The following NAALADL2 variants were observed in gnomAD, a reference collection of about 807,000 sequenced individuals.
The protein encoded by NAALADL2 is N-acetylated alpha-linked acidic dipeptidase like 2.
In NAALADL2, 76 loss-of-function variants were observed where a neutral mutation model predicts 87.2. The observed-to-expected ratio is 0.87, with a 90% CI of 0.72 to 1.05. NAALADL2 has a LOEUF of 1.05. Ranked by LOEUF, NAALADL2 falls within the 50% of genes least tolerant of loss-of-function variation. The pLI, the probability that NAALADL2 is intolerant of heterozygous loss-of-function variation, is 0.00. For synonymous variants in NAALADL2, 354 were observed against 331.0 expected (o/e 1.07, Z -0.75); for missense variants, 1,089 against 945.8 (o/e 1.15, Z -1.99).
chr3:174,564,938 ATTTAT>A (rs1714067185), intron 2 of NAALADL2, among the ~76,000 whole-genome samples: 1 of 151,686 alleles, frequency 6.6e-6, no homozygotes, highest in Admixed American at 6.6e-5. Flanking sequence ...TGTCATATTT[ATTTAT>A]TTTTACAGTT....
chr3:174,991,504 T>G (rs1407591090), intron 1 of NAALADL2, among the ~76,000 whole-genome samples: 4 of 152,118 alleles, frequency 2.6e-5, no homozygotes, highest in African/African-American at 9.6e-5. Flanking sequence ...ATTTAAATTT[T>G]ATATAACAAC....
At chr3:174,489,040 A>G (rs1346778578) in intron 1 of NAALADL2, among the ~76,000 whole-genome samples, 1 of 152,094 alleles carries the variant, frequency 6.6e-6, no homozygotes, top group African/African-American at 2.4e-5. Context: ...TTTCATTGCC[A>G]CATTGTATCT....
At chr3:175,056,270 T>A (rs1013481361) in intron 1 of NAALADL2, among the ~76,000 whole-genome samples, 3 of 152,190 alleles carry the variant, frequency 2.0e-5, no homozygotes, top group African/African-American at 7.2e-5. Flanking sequence ...CCTCTTCTGT[T>A]ACTTGGTTAT....
intron 1 of NAALADL2, chr3:174,441,068 A>C (rs545359089): frequency 5.3e-5 from 8 of 152,196 alleles, no homozygotes; most frequent in African/African-American, 1.9e-4. Context: ...AGTTTTGCCA[A>C]AACAAGCTCC....
chr3:175,190,792 C>A (rs961776898), intron 2 of NAALADL2, among the ~76,000 whole-genome samples: 5 of 151,598 alleles, frequency 3.3e-5, no homozygotes, highest in Non-Finnish European at 7.4e-5. Flanking sequence ...CTGGCTAACA[C>A]GGTGAAACCC....
chr3:175,068,268 A>T (rs1276545492), intron 1 of NAALADL2, among the ~76,000 whole-genome samples: 2 of 152,108 alleles, frequency 1.3e-5, no homozygotes, highest in African/African-American at 4.8e-5. Context: ...AAAACAATAG[A>T]ATAAAAAATT....
At chr3:175,248,556 T>C (rs1367931142) in intron 3 of NAALADL2, among the ~76,000 whole-genome samples, 1 of 152,056 alleles carries the variant, frequency 6.6e-6, no homozygotes, top group Non-Finnish European at 1.5e-5. Context: ...ATTAAGTGAT[T>C]TATGGTTCTT....
chr3:175,700,841 GA>G (rs35551912), intron 11 of NAALADL2, among the ~76,000 whole-genome samples: 2 of 151,834 alleles, frequency 1.3e-5, no homozygotes, highest in African/African-American at 4.8e-5. Flanking sequence ...ACTTATCATG[GA>G]AAAAAATCCC....
intron 10 of NAALADL2, among the ~76,000 whole-genome samples, chr3:175,601,306 A>C (rs764777008): frequency 1.9e-4 from 29 of 152,216 alleles, no homozygotes; most frequent in Non-Finnish European, 3.7e-4. Flanking sequence ...TGTATGTTAA[A>C]AAATTATATT....
chr3:174,942,097 G>T (rs1421826872), intron 1 of NAALADL2, among the ~76,000 whole-genome samples: 6 of 151,854 alleles, frequency 4.0e-5, no homozygotes, highest in Admixed American at 2.6e-4. Flanking sequence ...AGTGACAATG[G>T]TCTGTGTGTT....
chr3:175,483,752 T>C (rs575549777), intron 9 of NAALADL2, among the ~76,000 whole-genome samples: 9 of 152,202 alleles, frequency 5.9e-5, no homozygotes, highest in African/African-American at 2.2e-4. Context: ...CAGCATTGGG[T>C]ACTGAAAGCA....
At chr3:174,925,528 G>A (rs905789361) in intron 1 of NAALADL2, among the ~76,000 whole-genome samples, 3 of 151,996 alleles carry the variant, frequency 2.0e-5, no homozygotes, top group Non-Finnish European at 2.9e-5. Context: ...TTGTTCTTTC[G>A]GCTTAGAATT....
chr3:174,442,571 C>T (rs1559988278), intron 1 of NAALADL2, among the ~76,000 whole-genome samples: 1 of 152,082 alleles, frequency 6.6e-6, no homozygotes, highest in African/African-American at 2.4e-5. Flanking sequence ...TTACATAAAG[C>T]ATTATTATAT....
At chr3:174,490,648 C>T (rs1028469042) in intron 1 of NAALADL2, among the ~76,000 whole-genome samples, 6 of 151,754 alleles carry the variant, frequency 4.0e-5, no homozygotes, top group East Asian at 1.9e-4. Flanking sequence ...ACAAATGGAG[C>T]GTGTAGAGGA....
chr3:175,564,075 A>G (rs1404821478), intron 9 of NAALADL2, among the ~76,000 whole-genome samples: 1 of 152,064 alleles, frequency 6.6e-6, no homozygotes, highest in Non-Finnish European at 1.5e-5. Flanking sequence ...TGAAATGGTA[A>G]TGTGTGGTGA....
At chr3:175,338,863 C>T (rs56409748) in intron 5 of NAALADL2, among the ~76,000 whole-genome samples, 12 of 152,042 alleles carry the variant, frequency 7.9e-5, no homozygotes, top group Non-Finnish European at 1.6e-4. Context: ...AAGAAGGAGG[C>T]GAGTTCAAGA....
At chr3:175,800,865 A>T (rs1264395849) in intron 13 of NAALADL2, among the ~76,000 whole-genome samples, 1 of 152,148 alleles carries the variant, frequency 6.6e-6, no homozygotes, top group African/African-American at 2.4e-5. Flanking sequence ...GAAAATAGGG[A>T]TTAGGATATC....
At chr3:175,094,181 C>T (rs1436778646) in intron 1 of NAALADL2, among the ~76,000 whole-genome samples, 2 of 151,392 alleles carry the variant, frequency 1.3e-5, no homozygotes, top group Non-Finnish European at 2.9e-5. Flanking sequence ...AGAAAAAAAT[C>T]TAGAGAACTG....
intron 5 of NAALADL2, among the ~76,000 whole-genome samples, chr3:175,356,842 G>C (rs754393704): frequency 6.6e-6 from 1 of 152,014 alleles, no homozygotes; most frequent in Non-Finnish European, 1.5e-5. Flanking sequence ...TCTTGGCCAA[G>C]CATGTTTTTG....
Sources: allele counts gnomAD v4.1 joint callset (sites outside exome capture counted in the v4.1 genomes callset), GRCh38; gene constraint gnomAD v4.1.1; transcripts MANE v1.5; gene names NCBI Gene and HGNC (gene_info 2026-07-23, HGNC 2026-07-21).